ASB3: variants seen among roughly 807,000 people sequenced by gnomAD.
ASB3 encodes the protein ankyrin repeat and SOCS box protein 3.
In ASB3, 41 loss-of-function variants were observed where a neutral mutation model predicts 54.5. That is an observed-to-expected ratio of 0.75 (90% CI 0.59 to 0.98). ASB3 has a LOEUF of 0.98. Ranked by LOEUF, ASB3 falls within the 50% of genes least tolerant of loss-of-function variation. The pLI, the probability that ASB3 is intolerant of heterozygous loss-of-function variation, is 0.00. For synonymous variants in ASB3, 266 were observed against 221.2 expected (o/e 1.20, Z -1.80); for missense variants, 733 against 620.0 (o/e 1.18, Z -1.94).
intron 2 of ASB3, among the ~76,000 whole-genome samples, chr2:53,764,182 G>A (rs1673306229): frequency 1.3e-5 from 2 of 152,188 alleles, no homozygotes; most frequent in Non-Finnish European, 2.9e-5. Flanking sequence ...ACCTGGTGAT[G>A]ACAAGTATGC....
intron 7 of ASB3, among the ~76,000 whole-genome samples, chr2:53,711,335 C>A (rs1258051460): frequency 2.6e-5 from 4 of 152,160 alleles, no homozygotes; most frequent in African/African-American, 9.7e-5. Context: ...TCTATTGTGT[C>A]TATGTTTCAG....
chr2:53,772,307 T>C (rs1673988672), intron 1 of ASB3, among the ~76,000 whole-genome samples: 1 of 152,096 alleles, frequency 6.6e-6, no homozygotes, highest in Non-Finnish European at 1.5e-5. Context: ...CCCAAGTAGC[T>C]GGGACTACAG....
intron 6 of ASB3, among the ~76,000 whole-genome samples, chr2:53,716,001 T>A (rs1251951588): frequency 6.6e-6 from 1 of 152,106 alleles, no homozygotes. Flanking sequence ...TTTCTAAAAA[T>A]CATTGACTGC....
chr2:53,786,045 TG>T (rs1674967189), intron 1 of ASB3, among the ~76,000 whole-genome samples: 1 of 152,156 alleles, frequency 6.6e-6, no homozygotes, highest in South Asian at 2.1e-4. Context: ...TCTGAGGAAG[TG>T]GGGGCGACCA....
intron 9 of ASB3, among the ~76,000 whole-genome samples, chr2:53,673,858 T>C (rs936366821): frequency 6.6e-6 from 1 of 152,232 alleles, no homozygotes; most frequent in Admixed American, 6.5e-5. Context: ...GCACAACAGA[T>C]CACTGGCCTA....
chr2:53,684,988 T>A (rs1250882634), intron 9 of ASB3, among the ~76,000 whole-genome samples: 2 of 152,094 alleles, frequency 1.3e-5, no homozygotes, highest in African/African-American at 4.8e-5. Context: ...TGTTGGCACA[T>A]CTGTGAAGTG....
At chr2:53,674,738 A>C (rs1292482216) in intron 9 of ASB3, among the ~76,000 whole-genome samples, 1 of 152,106 alleles carries the variant, frequency 6.6e-6, no homozygotes, top group Non-Finnish European at 1.5e-5. Context: ...TTCATCATTA[A>C]TATATTGTCT....
At chr2:53,774,190 G>T (rs1413715846) in intron 1 of ASB3, 9 of 1,613,168 alleles carry the variant, frequency 5.6e-6, no homozygotes, top group South Asian at 5.5e-5. Flanking sequence ...AAAGGAAGAA[G>T]AAGTAAAAGC....
At chr2:53,786,106 C>G (rs1316496153) in intron 1 of ASB3, among the ~76,000 whole-genome samples, 1 of 152,122 alleles carries the variant, frequency 6.6e-6, no homozygotes, top group Non-Finnish European at 1.5e-5. Flanking sequence ...ATGGTAATTT[C>G]TCTAAAGCCA....
At chr2:53,756,577 G>T (rs1672838810) in intron 2 of ASB3, among the ~76,000 whole-genome samples, 1 of 152,090 alleles carries the variant, frequency 6.6e-6, no homozygotes, top group Admixed American at 6.5e-5. Flanking sequence ...AACAAGACTT[G>T]CCCTCACCAA....
rs535933383 is a variant in ASB3, at chr2:53,735,065, G to A, written c.356-5495C>T. The stretch of plus-strand genomic sequence containing the variant: ...CTCCCTAGTAGCTAGGATTATAGAC[G>A]TACACCTCCATGCCCAGATAATTTT... On this transcript the variant is annotated intron_variant, in intron 3 of 9. Transcript: ENST00000263634. Among the ~76,000 whole-genome samples the A allele has an allele frequency of 5.3e-5, 8 of 151,662 alleles. No homozygotes were observed. In the South Asian group the frequency reaches 1.0e-3, roughly 20 times the overall value.
At chr2:53,761,096 G>A (rs949339462) in intron 2 of ASB3, among the ~76,000 whole-genome samples, 1 of 152,118 alleles carries the variant, frequency 6.6e-6, no homozygotes, top group Non-Finnish European at 1.5e-5. Context: ...GTTGAGAGGG[G>A]GGACTGAGAG....
chr2:53,757,061 T>A (rs1672872572), intron 2 of ASB3: 1 of 157,730 alleles, frequency 6.3e-6, no homozygotes, highest in African/African-American at 2.4e-5. Context: ...CCTACCACCA[T>A]CTTAGGAGCT....
intron 3 of ASB3, among the ~76,000 whole-genome samples, chr2:53,742,967 T>C (rs1413013731): frequency 1.3e-5 from 2 of 152,032 alleles, no homozygotes; most frequent in Admixed American, 6.6e-5. Flanking sequence ...AGAAAACTGA[T>C]AAGGAATGGA....
chr2:53,716,022 T>C (rs546453508), intron 6 of ASB3, among the ~76,000 whole-genome samples: 38 of 152,142 alleles, frequency 2.5e-4, no homozygotes, highest in Non-Finnish European at 5.4e-4. Flanking sequence ...CAATTTATGA[T>C]AGGTAGCCAT....
At chr2:53,762,061 G>A (rs556229389) in intron 2 of ASB3, among the ~76,000 whole-genome samples, 2 of 152,298 alleles carry the variant, frequency 1.3e-5, no homozygotes, top group Admixed American at 6.5e-5. Context: ...AATATATTGA[G>A]GGTGGTCTGT....
Position 53,670,371 on chromosome 2 carries a change from C to T in ASB3, c.*132G>A, listed in dbSNP as rs1667749630. ...CATTCTCACTGAACTACTGGCCCCC[C>T]AAAACCTAACCTATCTCACAATCAA... On this transcript the variant is annotated 3_prime_UTR_variant, in exon 10 of 10. Coordinates refer to ENST00000263634, the MANE Select transcript of ASB3 (RefSeq NM_016115.5). The T allele has an allele frequency of 2.1e-6, 2 of 959,628 alleles. No homozygotes were observed. Among genetic ancestry groups the T allele is most frequent in the African/African-American group, 3.5e-5 (2 of 56,800 alleles). The allele number at this position is 959,628 out of a possible 1,614,324, so 59.4% of individuals were successfully genotyped here. A position where few individuals can be genotyped will look rare whatever the true frequency, so the allele number is the denominator to read the frequency against.
chr2:53,717,860 TG>T (rs1200942731), intron 5 of ASB3, among the ~76,000 whole-genome samples: 1 of 152,118 alleles, frequency 6.6e-6, no homozygotes, highest in Non-Finnish European at 1.5e-5. Flanking sequence ...TCAGAGCTTC[TG>T]GAATTGAAAA....
intron 5 of ASB3, among the ~76,000 whole-genome samples, chr2:53,725,503 G>C (rs959269628): frequency 7.9e-5 from 12 of 152,124 alleles, no homozygotes; most frequent in South Asian, 4.1e-4. Flanking sequence ...ATACGCCATT[G>C]TATAAAGATT....
Sources: allele counts gnomAD v4.1 joint callset (sites outside exome capture counted in the v4.1 genomes callset), GRCh38; gene constraint gnomAD v4.1.1; transcripts MANE v1.5; gene names NCBI Gene and HGNC (gene_info 2026-07-23, HGNC 2026-07-21).